Variants in GLCCI1 observed in about 807,000 individuals in gnomAD.
GLCCI1 encodes the protein glucocorticoid induced 1, also known as glucocorticoid-induced transcript 1 protein.
In GLCCI1, 24 loss-of-function variants were observed where a neutral mutation model predicts 52.2. That is an observed-to-expected ratio of 0.46 (90% CI 0.33 to 0.65). The LOEUF (loss-of-function observed/expected upper bound fraction) is 0.65, where lower values mean the gene tolerates loss of function less well. Ranked by LOEUF, GLCCI1 falls within the 30% of genes least tolerant of loss-of-function variation. The pLI, the probability that GLCCI1 is intolerant of heterozygous loss-of-function variation, is 0.02. For synonymous variants in GLCCI1, 310 were observed against 276.5 expected (o/e 1.12, Z -1.20); for missense variants, 704 against 701.5 (o/e 1.00, Z -0.04).
intron 6 of GLCCI1, among the ~76,000 whole-genome samples, chr7:8,074,002 T>G (rs1416127422): frequency 6.6e-6 from 1 of 152,200 alleles, no homozygotes; most frequent in Non-Finnish European, 1.5e-5. Context: ...CACCTATCCC[T>G]TTTATATATG....
intron 5 of GLCCI1, 47 bp downstream of exon 5, chr7:8,060,295 G>A (rs199747622): frequency 8.9e-6 from 13 of 1,454,742 alleles, no homozygotes; most frequent in East Asian, 2.3e-5. Context: ...CTGATATAAC[G>A]AACTGTCTGA....
intron 3 of GLCCI1, among the ~76,000 whole-genome samples, chr7:8,048,699 C>T (rs931997432): frequency 6.6e-6 from 1 of 152,118 alleles, no homozygotes; most frequent in African/African-American, 2.4e-5. Flanking sequence ...TTCATAGATG[C>T]TAGCAGAAGG....
intron 3 of GLCCI1, among the ~76,000 whole-genome samples, chr7:8,041,053 G>T (rs1033103044): frequency 6.6e-6 from 1 of 152,130 alleles, no homozygotes; most frequent in Non-Finnish European, 1.5e-5. Flanking sequence ...CAAAAACTAG[G>T]TCTCTTGCAC....
Position 8,088,627 on chromosome 7 carries a change from T to TCTGC in GLCCI1, c.*2090_*2093dup, listed in dbSNP as rs1783170459. On this transcript the variant is annotated 3_prime_UTR_variant, in exon 8 of 8. Coordinates refer to ENST00000223145, the MANE Select transcript of GLCCI1 (RefSeq NM_138426.4). ...ATTACATAATATGTTGATCTTACACTCTGCTTTTGTCCAAATAAAATGCAA... is the reference window on the plus strand; with the variant it reads ...ATTACATAATATGTTGATCTTACACTCTGCCTGCTTTTGTCCAAATAAAATGCAA... The TCTGC allele has an allele frequency of 6.6e-6, 1 of 152,644 alleles. No individual in the cohort carries two copies. Among genetic ancestry groups the TCTGC allele is most frequent in the African/African-American group, 2.4e-5 (1 of 41,452 alleles). The allele number at this position is 152,644 out of a possible 1,614,324, so 9.5% of individuals were successfully genotyped here.
intron 2 of GLCCI1, among the ~76,000 whole-genome samples, chr7:8,018,325 G>T (rs1048659087): frequency 1.8e-4 from 28 of 152,114 alleles, no homozygotes; most frequent in Admixed American, 5.2e-4. Flanking sequence ...CATTGACAAA[G>T]CATGTTTTTT....
intron 6 of GLCCI1, among the ~76,000 whole-genome samples, chr7:8,075,276 A>C (rs1023203030): frequency 6.6e-6 from 1 of 151,956 alleles, no homozygotes; most frequent in Non-Finnish European, 1.5e-5. Context: ...TTTCGTTTTG[A>C]TTTTTTACTA....
chr7:8,055,569 A>G lies in GLCCI1; in HGVS notation c.813+20A>G, dbSNP rs1194059090. 1.5e-6 allele frequency: 2 copies of G among 1,343,890 alleles called. No individual in the cohort carries two copies. The highest frequency in any genetic ancestry group is 1.8e-4 in the Middle Eastern group (1 of 5,570). The allele number at this position is 1,343,890 out of a possible 1,614,324, so 83.2% of individuals were successfully genotyped here. ...ACTCAGGTAGGCTAACTTCTTGTCC[A>G]GATTTGAATAATTACTTTTAGTTCA... is the stretch of plus-strand genomic sequence containing the variant. On this transcript the variant is annotated intron_variant, in intron 4 of 7. Coordinates refer to ENST00000223145, the MANE Select transcript of GLCCI1 (RefSeq NM_138426.4).
chr7:8,069,115 G>C (rs534048917), intron 5 of GLCCI1, among the ~76,000 whole-genome samples: 61 of 152,240 alleles, frequency 4.0e-4, no homozygotes, highest in Non-Finnish European at 6.3e-4. Flanking sequence ...TGCAGCCCTG[G>C]GGTGAGCTAA....
Position 7,991,229 on chromosome 7 carries a change from G to A in GLCCI1, c.458-12679G>A, listed in dbSNP as rs190201728. ...AATTTGTAGTTATTACATAAGCAAA[G>A]TGTTTAAGTGTGTGAATCTTTTGTT... is the stretch of plus-strand genomic sequence containing the variant. On this transcript the variant is annotated intron_variant, in intron 1 of 7. Transcript: ENST00000223145. Among the ~76,000 whole-genome samples the A allele has an allele frequency of 4.6e-5, 7 of 152,182 alleles. No individual in the cohort carries two copies. The East Asian group carries it at 1.3e-3, about 29-fold the overall frequency.
At position 8,086,197 on chromosome 7, in the gene GLCCI1, C is replaced by T. The variant is rs777220328; in HGVS notation, c.1303C>T (p.Arg435Cys). The change falls in exon 8 of 8, where the codon CGT (arginine) becomes TGT (cysteine). Residue 435 changes from arginine to cysteine, a missense_variant. Physicochemically the swap from Arg to Cys is radical, Grantham distance 180. Coordinates refer to ENST00000223145, the MANE Select transcript of GLCCI1 (RefSeq NM_138426.4). The surrounding 1 kb of genome is among the most constrained non-coding windows in gnomAD (Gnocchi z 4.4). ...RVKVFEEMAS[R>C]QPISAPLFSC... The stretch of plus-strand genomic sequence containing the variant: ...AATTTTGTTTTATGGTTTTAGGTCT[C>T]GTCAGCCTATCTCGGCCCCTCTCTT... 25 of 1,608,546 alleles carry T rather than the reference C, an allele frequency of 1.6e-5. No individual in the cohort carries two copies. Among genetic ancestry groups the T allele is most frequent in the East Asian group, 2.2e-5 (1 of 44,874 alleles).
At chr7:8,077,179 AAAT>A (rs142852726) in intron 6 of GLCCI1, among the ~76,000 whole-genome samples, 2,963 of 152,226 alleles carry the variant, frequency 0.019, 93 homozygotes, top group African/African-American at 0.067. Flanking sequence ...ACTGGGTGGA[AAAT>A]AATAGGGTGT....
intron 1 of GLCCI1, among the ~76,000 whole-genome samples, chr7:7,976,063 C>T (rs181908447): frequency 6.6e-6 from 1 of 152,288 alleles, no homozygotes; most frequent in Admixed American, 6.5e-5. Flanking sequence ...ATTCAGCCCT[C>T]CCAAAAGACA....
In GLCCI1 at chr7:8,065,209, C is replaced by T. The variant is rs78768391; in HGVS notation, c.966+4961C>T. 3.9e-3 allele frequency among the ~76,000 whole-genome samples: 592 copies of T among 152,186 alleles called. 3 individuals carry two copies. Among genetic ancestry groups the T allele is most frequent in the African/African-American group, 0.013 (547 of 41,528 alleles). The stretch of plus-strand genomic sequence containing the variant: ...GTGTTCTGTATTTGTCTCTCAGCTT[C>T]GATATTGTTAGTATATAGAAACACT... On this transcript the variant is annotated intron_variant, in intron 5 of 7. Coordinates refer to ENST00000223145, the MANE Select transcript of GLCCI1 (RefSeq NM_138426.4).
rs142459275 is a variant in GLCCI1 at position 8,075,193 on chromosome 7, C to T, written c.1177+4062C>T. On this transcript the variant is annotated intron_variant, in intron 6 of 7. Transcript: ENST00000223145. ...TTCTTTGCCTGTATGGATTGTAATG[C>T]CAGGACAAAAACACTCTGTCAAGAA... Among the ~76,000 whole-genome samples the T allele has an allele frequency of 1.8e-3, 274 of 152,062 alleles. 1 individual carries two copies. The highest frequency in any genetic ancestry group is 6.3e-3 in the African/African-American group (260 of 41,476).
At chr7:7,989,075 ATCCC>A (rs1780790090) in intron 1 of GLCCI1, among the ~76,000 whole-genome samples, 1 of 152,198 alleles carries the variant, frequency 6.6e-6, no homozygotes, top group South Asian at 2.1e-4. Context: ...TGAAGTCTGA[ATCCC>A]TAAATGATCA....
chr7:7,999,190 TA>T lies in GLCCI1; in HGVS notation c.458-4713del, dbSNP rs1173879607. On this transcript the variant is annotated intron_variant, in intron 1 of 7. Coordinates refer to ENST00000223145, the MANE Select transcript of GLCCI1 (RefSeq NM_138426.4). ...AAGAGATAGATAAAGATTCAATGAT[TA>T]AAAATATAATAAAAGAAAAATTAAG... Among the ~76,000 whole-genome samples the T allele has an allele frequency of 2.0e-5, 3 of 152,044 alleles. No individual in the cohort carries two copies. In the East Asian group the frequency reaches 5.8e-4, roughly 29 times the overall value.
intron 3 of GLCCI1, among the ~76,000 whole-genome samples, chr7:8,048,841 T>C (rs1158197679): frequency 2.0e-5 from 3 of 152,186 alleles, no homozygotes; most frequent in South Asian, 2.1e-4. Context: ...AGATGGATCC[T>C]GTACATACAG....
chr7:8,027,515 C>T (rs1311631654), intron 3 of GLCCI1, among the ~76,000 whole-genome samples: 1 of 151,332 alleles, frequency 6.6e-6, no homozygotes, highest in Non-Finnish European at 1.5e-5. Context: ...GGCATACCAC[C>T]ACAAAAAAAT....
chr7:8,047,943 TGCTG>T (rs1782170108), intron 3 of GLCCI1, among the ~76,000 whole-genome samples: 2 of 152,332 alleles, frequency 1.3e-5, no homozygotes, highest in East Asian at 3.9e-4. Flanking sequence ...CAGAGTGTAC[TGCTG>T]CTGGGTGACT....
Sources: gnomAD v4.1 joint callset for allele counts (sites outside exome capture counted in the v4.1 genomes callset) on GRCh38, gnomAD v4.1.1 for gene constraint, Gnocchi (gnomAD v3.1) non-coding constraint, MANE v1.5 for transcripts, NCBI Gene and HGNC (gene_info 2026-07-23, HGNC 2026-07-21) for gene names.